DNA2: variants seen among roughly 807,000 people sequenced by gnomAD.
DNA2 encodes DNA replication helicase/nuclease 2, also known as DNA replication ATP-dependent helicase/nuclease DNA2.
Under a neutral mutation model 119.1 loss-of-function variants are expected in DNA2, and 101 were observed. The observed-to-expected ratio is 0.85, with a 90% CI of 0.72 to 1.00. DNA2 has a LOEUF of 1.00. Among genes scored for constraint, DNA2 ranks in the 50% least tolerant of loss-of-function variants. DNA2 has a pLI of 0.00. For synonymous variants in DNA2, 366 were observed against 424.4 expected, an observed-to-expected ratio of 0.86 and a Z score of 1.69; for missense variants, 1,121 against 1,255.5, an observed-to-expected ratio of 0.89 and a Z score of 1.62.
chr10:68,469,519 A>C (rs1275463375), intron 2 of DNA2, among the ~76,000 whole-genome samples: 1 of 152,004 alleles, frequency 6.6e-6, no homozygotes, highest in East Asian at 1.9e-4. Context: ...CTGGAGTGCA[A>C]TGGCATGATC....
chr10:68,469,006 C>G (rs550976767), intron 2 of DNA2, among the ~76,000 whole-genome samples: 1 of 152,024 alleles, frequency 6.6e-6, no homozygotes, highest in African/African-American at 2.4e-5. Flanking sequence ...GCCGCGATCA[C>G]GCCATTGCAC....
intron 14 of DNA2, chr10:68,424,533 G>T: frequency 4.0e-6 from 3 of 744,182 alleles, no homozygotes; most frequent in South Asian, 1.4e-5. Flanking sequence ...AAACAGGCCT[G>T]AGGCCGCCGC....
chr10:68,432,852 G>A lies in DNA2; in HGVS notation c.1647-342C>T, dbSNP rs79463331. On this transcript the variant is annotated intron_variant, in intron 10 of 20. Coordinates refer to ENST00000358410, the MANE Select transcript of DNA2 (RefSeq NM_001080449.3). ...TTCCTTCCTCTAACCTGGAGTGCAG[G>A]CTTCTTTTCTGCCACCTTCTCCCTG... 0.025 allele frequency among the ~76,000 whole-genome samples: 3,833 copies of A among 152,216 alleles called. 158 individuals carry two copies. The highest frequency in any genetic ancestry group is 0.087 in the African/African-American group (3,624 of 41,516).
At chr10:68,465,859 A>T in intron 3 of DNA2, 47 bp from the exon 4 acceptor site, 1 of 1,402,186 alleles carries the variant, frequency 7.1e-7, no homozygotes, top group South Asian at 1.9e-5. Flanking sequence ...ATTAACAGAC[A>T]CAATTGTATA....
intron 4 of DNA2, among the ~76,000 whole-genome samples, chr10:68,459,490 G>A (rs949307482): frequency 6.6e-6 from 1 of 152,138 alleles, no homozygotes; most frequent in African/African-American, 2.4e-5. Flanking sequence ...AGGACATTAC[G>A]CTAAGTGAAA....
At chr10:68,432,026 G>T in intron 12 of DNA2, 55 bp from the exon 13 acceptor site, 1 of 1,393,194 alleles carries the variant, frequency 7.2e-7, no homozygotes, top group Non-Finnish European at 1.0e-6. Flanking sequence ...CAAAGGAAAA[G>T]TTAATTATTT....
intron 10 of DNA2, 130 bp from the exon 11 acceptor site, chr10:68,432,640 C>G (rs1407972701): frequency 3.0e-6 from 2 of 662,254 alleles, no homozygotes; most frequent in African/African-American, 3.8e-5. Context: ...CCCTCAGTCA[C>G]ACTTGCCAAT....
rs1044685928 is a variant in DNA2 at position 68,455,852 on chromosome 10, C to A, written c.719+3252G>T. Among the ~76,000 whole-genome samples, 6 of 148,106 alleles carry A rather than the reference C, an allele frequency of 4.1e-5. No individual in the cohort carries two copies. In the South Asian group the frequency reaches 8.5e-4, roughly 21 times the overall value. On this transcript the variant is annotated intron_variant, in intron 5 of 20. Coordinates refer to ENST00000358410, the MANE Select transcript of DNA2 (RefSeq NM_001080449.3). ...AAAACAAAACAAACAAACAAACAAA[C>A]AAAAAACTCAACTCTAACAGCAAGA...
chr10:68,417,652 C>A (rs868318332), intron 19 of DNA2, among the ~76,000 whole-genome samples: 1,266 of 112,844 alleles, frequency 0.011, no homozygotes, highest in African/African-American at 0.013. Context: ...GATCTCATCT[C>A]AAAAAAAAAA....
chr10:68,416,322 T>C (rs1317689246), intron 20 of DNA2, among the ~76,000 whole-genome samples: 3 of 151,760 alleles, frequency 2.0e-5, no homozygotes, highest in Non-Finnish European at 4.4e-5. Flanking sequence ...AAAAATTAGC[T>C]GGGCATGGTG....
chr10:68,459,354 G>T, intron 4 of DNA2, 119 bp from the exon 5 acceptor site: 1 of 1,039,578 alleles, frequency 9.6e-7, no homozygotes, highest in Non-Finnish European at 1.3e-6. Context: ...ATACATATAA[G>T]CAACCCAACT....
At chr10:68,442,617 C>T (rs2051984847) in intron 9 of DNA2, among the ~76,000 whole-genome samples, 1 of 152,266 alleles carries the variant, frequency 6.6e-6, no homozygotes, top group African/African-American at 2.4e-5. Context: ...AAACTCTTGA[C>T]CTCAGGTGAT....
rs1199966874 is a variant in DNA2 at position 68,445,180 on chromosome 10, T to C, written c.1058-97A>G. On this transcript the variant is annotated intron_variant, in intron 7 of 20. Transcript: ENST00000358410. ...AAAACTTGCAGATTTAAAAACATTT[T>C]AGGGCCGGGCACAATGGCTTACGCC... 1.0e-5 allele frequency: 12 copies of C among 1,163,532 alleles called. 1 individual carries two copies. The Admixed American group carries it at 2.3e-4, about 22-fold the overall frequency. The allele number at this position is 1,163,532 out of a possible 1,614,324, so 72.1% of individuals were successfully genotyped here.
chr10:68,426,556 C>T (rs1590050779), intron 14 of DNA2, among the ~76,000 whole-genome samples: 2 of 148,940 alleles, frequency 1.3e-5, no homozygotes, highest in Admixed American at 6.7e-5. Context: ...AATAAATAGG[C>T]CGGGCGTGGT....
chr10:68,432,810 T>A (rs2133380615), intron 10 of DNA2, among the ~76,000 whole-genome samples: 1 of 152,242 alleles, frequency 6.6e-6, no homozygotes, highest in South Asian at 2.1e-4. Context: ...CCCAGAGGGA[T>A]CCTGAATGCA....
chr10:68,459,335 G>T, intron 4 of DNA2, 100 bp from the exon 5 acceptor site: 1 of 1,287,168 alleles, frequency 7.8e-7, no homozygotes, highest in South Asian at 1.8e-5. Flanking sequence ...AGTAAACGAG[G>T]ACAAAAAAAT....
Position 68,431,981 on chromosome 10 carries a change from A to C in DNA2, c.1874-10T>G. On this transcript the variant is annotated splice_polypyrimidine_tract_variant and intron_variant, in intron 12 of 20. Coordinates refer to ENST00000358410, the MANE Select transcript of DNA2 (RefSeq NM_001080449.3). ...TGAGGCTTATTCAAACCTACATTTA[A>C]ATTCAAAAATAACAGGAAAAAGAGT... 6.4e-7 allele frequency: 1 copy of C among 1,568,980 alleles called. No homozygotes were observed. The highest frequency in any genetic ancestry group is 8.7e-7 in the Non-Finnish European group (1 of 1,148,624).
Position 68,422,876 on chromosome 10 carries a change from T to C in DNA2, c.2223A>G (p.Thr741=). ...ELYNSQLIVA[T]TCMGINHPIF... ...TTGGATGGTTTATTCCCATACATGT[T>C]GTTGCAACTATAAGCTAAAAACAAG... Residue 741 remains threonine (T), a synonymous_variant, in exon 15 of 21, where the codon ACA becomes ACG. Coordinates refer to ENST00000358410, the MANE Select transcript of DNA2 (RefSeq NM_001080449.3). 4 of 1,578,054 alleles carry C rather than the reference T, an allele frequency of 2.5e-6. No homozygotes were observed. Among genetic ancestry groups the C allele is most frequent in the Non-Finnish European group, 2.6e-6 (3 of 1,166,904 alleles).
intron 14 of DNA2, chr10:68,424,480 G>A (rs2051708426): frequency 1.7e-6 from 1 of 584,948 alleles, no homozygotes; most frequent in Non-Finnish European, 3.1e-6. Flanking sequence ...CTCCAGCCTG[G>A]GTGACAAAGT....
Sources: allele counts gnomAD v4.1 joint callset (sites outside exome capture counted in the v4.1 genomes callset), GRCh38; gene constraint gnomAD v4.1.1; transcripts MANE v1.5; gene names NCBI Gene and HGNC (gene_info 2026-07-23, HGNC 2026-07-21).